The following PPP2R2D variants were observed in gnomAD, a reference collection of about 807,000 sequenced individuals.
PPP2R2D encodes the protein serine/threonine-protein phosphatase 2A 55 kDa regulatory subunit B delta isoform.
PPP2R2D carries 9 observed loss-of-function variants against 31.1 expected under a neutral mutation model. The observed-to-expected ratio is 0.29, with a 90% confidence interval of 0.17 to 0.51. The LOEUF (loss-of-function observed/expected upper bound fraction) is 0.51. Among genes scored for constraint, PPP2R2D ranks in the 20% least tolerant of loss-of-function variants. The pLI is 0.98. For synonymous variants in PPP2R2D, 179 were observed against 172.6 expected, an observed-to-expected ratio of 1.04 and a Z score of -0.29; for missense variants, 391 against 465.6, an observed-to-expected ratio of 0.84 and a Z score of 1.48.
downstream of PPP2R2D, among the ~76,000 whole-genome samples, chr10:131,961,492 A>G (rs2036919013): frequency 6.6e-6 from 1 of 152,172 alleles, no homozygotes; most frequent in African/African-American, 2.4e-5. Context: ...CATGGGTCAC[A>G]GACGCACACA....
At chr10:131,970,826 G>A in the PPP2R2D span, 1 of 1,614,242 alleles carries the variant, frequency 6.2e-7, no homozygotes, top group Non-Finnish European at 8.5e-7. This position sits in a 1 kb window ranked among gnomAD's most constrained non-coding sequence, Gnocchi z 4.1. Context: ...TGTGTCCTCT[G>A]TCAAGGGGTG....
At chr10:131,904,339 G>A (rs978032978) in intron 2 of PPP2R2D, among the ~76,000 whole-genome samples, 6 of 151,934 alleles carry the variant, frequency 3.9e-5, no homozygotes, top group Admixed American at 2.0e-4. Context: ...GTGAAACCCC[G>A]TCTCTACTAA....
downstream of PPP2R2D, among the ~76,000 whole-genome samples, chr10:131,961,150 C>T (rs891319815): frequency 5.3e-5 from 8 of 152,196 alleles, no homozygotes; most frequent in East Asian, 1.9e-4. Context: ...AGACGCTGCC[C>T]GCGGCCGACG....
intron 2 of PPP2R2D, among the ~76,000 whole-genome samples, chr10:131,924,396 G>A (rs1383866050): frequency 6.6e-6 from 1 of 152,002 alleles, no homozygotes; most frequent in Admixed American, 6.6e-5. Flanking sequence ...TTTTGCATGT[G>A]GATATTTAGA....
At chr10:131,970,965 C>T in the PPP2R2D span, 1 of 1,613,408 alleles carries the variant, frequency 6.2e-7, no homozygotes, top group Admixed American at 1.7e-5. The surrounding 1 kb of genome is among the most constrained non-coding windows in gnomAD (Gnocchi z 4.1). Flanking sequence ...TATCATCTTC[C>T]TCAGACTAAG....
At chr10:131,946,183 A>G (rs1208837235) in intron 7 of PPP2R2D, among the ~76,000 whole-genome samples, 1 of 152,244 alleles carries the variant, frequency 6.6e-6, no homozygotes, top group Admixed American at 6.5e-5. Flanking sequence ...CACTTCCCTT[A>G]GCTGAAAGTC....
At chr10:131,931,195 C>T (rs1412746680) in intron 2 of PPP2R2D, among the ~76,000 whole-genome samples, 1 of 152,172 alleles carries the variant, frequency 6.6e-6, no homozygotes, top group Non-Finnish European at 1.5e-5. Context: ...TACGTTAGTA[C>T]AGGGCTTGTG....
At chr10:131,964,855 C>G in the PPP2R2D span, among the ~76,000 whole-genome samples, 1 of 151,940 alleles carries the variant, frequency 6.6e-6, no homozygotes, top group Non-Finnish European at 1.5e-5. Context: ...TTGGCAGCAT[C>G]TGAAGCATTA....
chr10:131,964,520 C>T (rs1487454891), downstream of PPP2R2D, among the ~76,000 whole-genome samples: 1 of 152,128 alleles, frequency 6.6e-6, no homozygotes, highest in Non-Finnish European at 1.5e-5. Flanking sequence ...CCAGCAAGCC[C>T]ACGGCTTCGT....
chr10:131,907,570 C>T (rs1218855485), intron 2 of PPP2R2D, among the ~76,000 whole-genome samples: 2 of 151,964 alleles, frequency 1.3e-5, no homozygotes, highest in East Asian at 3.9e-4. Flanking sequence ...GAAACCCCGT[C>T]TCTACTAAAA....
At chr10:131,906,969 A>C (rs1286627021) in intron 2 of PPP2R2D, among the ~76,000 whole-genome samples, 1 of 151,598 alleles carries the variant, frequency 6.6e-6, no homozygotes, top group Non-Finnish European at 1.5e-5. Flanking sequence ...TAATAATTAT[A>C]TATGTATATA....
intron 8 of PPP2R2D, among the ~76,000 whole-genome samples, chr10:131,951,072 G>A (rs1032530882): frequency 6.6e-6 from 1 of 152,222 alleles, no homozygotes; most frequent in Admixed American, 6.5e-5. Flanking sequence ...CATGAATGGG[G>A]TTTCGCAGAA....
intron 3 of PPP2R2D, chr10:131,934,784 G>A (rs534501086): frequency 5.4e-5 from 31 of 570,920 alleles, no homozygotes; most frequent in African/African-American, 5.0e-4. Context: ...AGGAGATTCC[G>A]CTGGGGACCC....
intron 8 of PPP2R2D, among the ~76,000 whole-genome samples, chr10:131,949,525 G>T (rs147065737): frequency 6.6e-6 from 1 of 152,240 alleles, no homozygotes; most frequent in African/African-American, 2.4e-5. Flanking sequence ...TACAGGAAAA[G>T]CCACCGTGAG....
At chr10:131,923,503 T>C (rs546527908) in intron 2 of PPP2R2D, among the ~76,000 whole-genome samples, 1 of 152,302 alleles carries the variant, frequency 6.6e-6, no homozygotes, top group African/African-American at 2.4e-5. Context: ...CTGTGTTTAA[T>C]GTATTTGTGG....
the PPP2R2D span, chr10:131,970,673 A>AGAT: frequency 6.2e-7 from 1 of 1,614,088 alleles, no homozygotes; most frequent in Non-Finnish European, 8.5e-7. This position sits in a 1 kb window ranked among gnomAD's most constrained non-coding sequence, Gnocchi z 4.1. Context: ...AGAGCAGCAG[A>AGAT]GATGGAAGGA....
the PPP2R2D span, among the ~76,000 whole-genome samples, chr10:131,966,246 A>G: frequency 6.6e-6 from 1 of 152,332 alleles, no homozygotes; most frequent in East Asian, 1.9e-4. Flanking sequence ...ATCAGAGTAA[A>G]TATCAGGTAA....
the PPP2R2D span, chr10:131,966,966 T>C: frequency 2.7e-5 from 4 of 150,912 alleles, no homozygotes; most frequent in African/African-American, 7.3e-5. Flanking sequence ...CTGCAACCTC[T>C]GCCTTCTGGG....
At chr10:131,949,421 T>C (rs1443417789) in intron 8 of PPP2R2D, among the ~76,000 whole-genome samples, 1 of 152,200 alleles carries the variant, frequency 6.6e-6, no homozygotes, top group East Asian at 1.9e-4. Flanking sequence ...ACACGCATGC[T>C]GGGTAGCTGC....
Sources: gnomAD v4.1 joint callset for allele counts (sites outside exome capture counted in the v4.1 genomes callset) on GRCh38, gnomAD v4.1.1 for gene constraint, Gnocchi (gnomAD v3.1) non-coding constraint, MANE v1.5 for transcripts, NCBI Gene and HGNC (gene_info 2026-07-23, HGNC 2026-07-21) for gene names.